Variants in PPP1R18 observed in about 807,000 individuals in gnomAD.
The protein encoded by PPP1R18 is protein phosphatase 1 regulatory subunit 18.
In PPP1R18, 31 loss-of-function variants were observed where a neutral mutation model predicts 54.8. The ratio of observed to expected loss-of-function variants is 0.57; its 90% confidence interval spans 0.43 to 0.76. The LOEUF (loss-of-function observed/expected upper bound fraction) is 0.76. Among genes scored for constraint, PPP1R18 ranks in the 30% least tolerant of loss-of-function variants. The pLI is 0.00. For synonymous variants in PPP1R18, 310 were observed against 320.2 expected (o/e 0.97, Z 0.34); for missense variants, 685 against 776.1 (o/e 0.88, Z 1.39).
Position 30,684,097 on chromosome 6 carries a change from G to A in PPP1R18, c.1611+311C>T, listed in dbSNP as rs931072554. ...ATGGGCTGGGGCAGGTCACACTCAG[G>A]AAAGGAAGGAAAGAAAAGGGGGTTG... is the stretch of plus-strand genomic sequence containing the variant. On this transcript the variant is annotated intron_variant, in intron 1 of 2. Coordinates refer to ENST00000274853, the MANE Select transcript of PPP1R18 (RefSeq NM_133471.4). This position sits in a 1 kb window ranked among gnomAD's most constrained non-coding sequence, Gnocchi z 6.0. Among the ~76,000 whole-genome samples, 4 of 152,204 alleles carry A rather than the reference G, an allele frequency of 2.6e-5. No individual in the cohort carries two copies. Among genetic ancestry groups the A allele is most frequent in the Middle Eastern group, 3.4e-3 (1 of 294 alleles).
chr6:30,678,905 AG>A (rs909147526), intron 2 of PPP1R18, among the ~76,000 whole-genome samples: 1 of 152,180 alleles, frequency 6.6e-6, no homozygotes, highest in Non-Finnish European at 1.5e-5. Context: ...TAAAGAGACA[AG>A]CTGGAATTCC....
In PPP1R18 at chr6:30,684,443, G is replaced by A; in HGVS notation, c.1576C>T (p.Leu526Phe). 1.3e-6 allele frequency: 2 copies of A among 1,594,118 alleles called. No homozygotes were observed. Among genetic ancestry groups the A allele is most frequent in the East Asian group, 4.5e-5 (2 of 44,470 alleles). ...GGYLRLSRSC[L>F]AKGSPERHHK... The stretch of plus-strand genomic sequence containing the variant: ...TGTCTTTCGGGGGACCCCTTGGCAA[G>A]GCAGCTGCGGCTGAGACGGAGGTAG... Residue 526 changes from leucine (L) to phenylalanine (F), a missense_variant, in exon 1 of 3, where the codon CTT becomes TTT. By Grantham distance (22) the Leu-to-Phe change is conservative (BLOSUM62 0). Coordinates refer to ENST00000274853, the MANE Select transcript of PPP1R18 (RefSeq NM_133471.4). This position sits in a 1 kb window ranked among gnomAD's most constrained non-coding sequence, Gnocchi z 6.0.
chr6:30,678,418 A>C (rs1248982448), intron 2 of PPP1R18, among the ~76,000 whole-genome samples: 2 of 143,638 alleles, frequency 1.4e-5, no homozygotes, highest in African/African-American at 2.6e-5. Flanking sequence ...CTCTGTTGTC[A>C]AGGCTGGAGT....
Position 30,686,279 on chromosome 6 carries a change from T to G in PPP1R18, c.-261A>C. 2 of 482,672 alleles carry G rather than the reference T, an allele frequency of 4.1e-6. No homozygotes were observed. The highest frequency in any genetic ancestry group is 3.6e-6 in the Non-Finnish European group (1 of 274,582). The allele number at this position is 482,672 out of a possible 1,614,324, so 29.9% of individuals were successfully genotyped here. On this transcript the variant is annotated 5_prime_UTR_variant, in exon 1 of 3. Coordinates refer to ENST00000274853, the MANE Select transcript of PPP1R18 (RefSeq NM_133471.4). ...GGTGGGGGTGATGTGAGAGGAAGAGTCCGGATTGGAGGCAATGAGGGCAGG... is the reference window on the plus strand; with the variant it reads ...GGTGGGGGTGATGTGAGAGGAAGAGGCCGGATTGGAGGCAATGAGGGCAGG...
At chr6:30,681,779 AAAG>A (rs1405848165) in intron 1 of PPP1R18, among the ~76,000 whole-genome samples, 2 of 152,160 alleles carry the variant, frequency 1.3e-5, no homozygotes, top group Non-Finnish European at 2.9e-5. Flanking sequence ...AAAGAAAAGA[AAAG>A]AAAAAAGAAA....
chr6:30,685,906 G>C lies in PPP1R18; in HGVS notation c.113C>G (p.Ala38Gly). The change falls in exon 1 of 3, where the codon GCC (alanine) becomes GGC (glycine). Residue 38 changes from alanine (A) to glycine (G), a missense_variant. Physicochemically the swap from Ala to Gly is moderately conservative, Grantham distance 60. Transcript: ENST00000274853. This position sits in a 1 kb window ranked among gnomAD's most constrained non-coding sequence, Gnocchi z 5.0. ...GCGCTCCAGGAGCCCTCGTTTCCAG[G>C]CTGGCATCTGGGACAGGCGCTCCCG... ...AERERLSQMPAWKRGLLERRR... is the reference protein window; with the variant it reads ...AERERLSQMPGWKRGLLERRR... 1 of 1,610,162 alleles carries C rather than the reference G, an allele frequency of 6.2e-7. No individual in the cohort carries two copies. The highest frequency in any genetic ancestry group is 2.2e-5 in the East Asian group (1 of 44,884).
intron 1 of PPP1R18, among the ~76,000 whole-genome samples, chr6:30,682,017 C>T (rs1770579262): frequency 6.6e-6 from 1 of 152,184 alleles, no homozygotes; most frequent in Non-Finnish European, 1.5e-5. Flanking sequence ...CTGTAACTGA[C>T]AGATTTACCC....
Position 30,683,256 on chromosome 6 carries a change from G to T in PPP1R18, c.1611+1152C>A, listed in dbSNP as rs1239544464. ...TCTGGGGAGATGTGTGTGACTGGAG[G>T]GACTTCCTAAGTCTGAGATGTCTGA... On this transcript the variant is annotated intron_variant, in intron 1 of 2. Coordinates refer to ENST00000274853, the MANE Select transcript of PPP1R18 (RefSeq NM_133471.4). This position sits in a 1 kb window ranked among gnomAD's most constrained non-coding sequence, Gnocchi z 5.1. Among the ~76,000 whole-genome samples, 2 of 152,212 alleles carry T rather than the reference G, an allele frequency of 1.3e-5. No homozygotes were observed. The highest frequency in any genetic ancestry group is 2.9e-5 in the Non-Finnish European group (2 of 68,034).
intron 1 of PPP1R18, among the ~76,000 whole-genome samples, chr6:30,680,811 C>T (rs1169782803): frequency 1.3e-5 from 2 of 152,064 alleles, no homozygotes; most frequent in East Asian, 1.9e-4. Context: ...CCAGGCTGGG[C>T]GCGGTGGTTC....
In PPP1R18 at chr6:30,680,618, C is replaced by T. The variant is rs1249222886; in HGVS notation, c.1612-1229G>A. On this transcript the variant is annotated intron_variant, in intron 1 of 2. Coordinates refer to ENST00000274853, the MANE Select transcript of PPP1R18 (RefSeq NM_133471.4). ...TTGAGGCGGGAGGATTTCTTGAGCC[C>T]AGGAGTTCGAGACCAGCCTGGGCAA... Among the ~76,000 whole-genome samples, 4 of 151,590 alleles carry T rather than the reference C, an allele frequency of 2.6e-5. No homozygotes were observed. The South Asian group carries it at 8.3e-4, about 32-fold the overall frequency.
rs1770687817 is a variant in PPP1R18, at chr6:30,683,738, G to A, written c.1611+670C>T. The stretch of plus-strand genomic sequence containing the variant: ...CCAGCTGGGGGTGTGCAACCCCGAG[G>A]TCACCCACTTCAAATGGCCTCTCTG... On this transcript the variant is annotated intron_variant, in intron 1 of 2. Coordinates refer to ENST00000274853, the MANE Select transcript of PPP1R18 (RefSeq NM_133471.4). This position sits in a 1 kb window ranked among gnomAD's most constrained non-coding sequence, Gnocchi z 5.1. Among the ~76,000 whole-genome samples the A allele has an allele frequency of 1.3e-5, 2 of 152,032 alleles. No individual in the cohort carries two copies. Among genetic ancestry groups the A allele is most frequent in the African/African-American group, 4.8e-5 (2 of 41,394 alleles).
At chr6:30,677,391 G>A (rs541601130) in intron 2 of PPP1R18, 103 bp from the exon 3 acceptor site, 1 of 944,054 alleles carries the variant, frequency 1.1e-6, no homozygotes, top group South Asian at 1.6e-5. Context: ...CATGCAGGAA[G>A]TCCTATAATA....
chr6:30,677,115 GC>G lies in PPP1R18; in HGVS notation c.*153del, dbSNP rs1471786339. On this transcript the variant is annotated 3_prime_UTR_variant, in exon 3 of 3. Transcript: ENST00000274853. ...GGGTAGAAATTGGGCAATTGGCTCTGCCCCCAGAAACAGGGTGGGGAAAGCA... is the reference window on the plus strand; with the variant it reads ...GGGTAGAAATTGGGCAATTGGCTCTGCCCCAGAAACAGGGTGGGGAAAGCA... 1.2e-5 allele frequency: 9 copies of G among 778,910 alleles called. No individual in the cohort carries two copies. The highest frequency in any genetic ancestry group is 8.4e-5 in the African/African-American group (5 of 59,204). 48.2% of individuals were successfully genotyped at this position (778,910 alleles called of 1,614,324 possible). A position where few individuals can be genotyped will look rare whatever the true frequency, so the allele number is the denominator to read the frequency against.
chr6:30,677,584 CA>C (rs2127604044), intron 2 of PPP1R18, among the ~76,000 whole-genome samples: 1 of 152,152 alleles, frequency 6.6e-6, no homozygotes, highest in South Asian at 2.1e-4. Context: ...TGGCCTGGAG[CA>C]CCTGTAATCC....
In PPP1R18 at chr6:30,685,248, C is replaced by T. The variant is rs1481167247; in HGVS notation, c.771G>A (p.Glu257=). ...ESQEQSLVQL[E]ATEWRLRSGE... ...CTGACCTCAGCCTCCACTCTGTTGC[C>T]TCCAGTTGTACCAAACTCTGTTCCT... Residue 257 remains glutamate, a synonymous_variant, in exon 1 of 3, where the codon GAG becomes GAA. Transcript: ENST00000274853. This position sits in a 1 kb window ranked among gnomAD's most constrained non-coding sequence, Gnocchi z 5.0. 2 of 1,612,958 alleles carry T rather than the reference C, an allele frequency of 1.2e-6. No homozygotes were observed. The highest frequency in any genetic ancestry group is 2.7e-5 in the African/African-American group (2 of 74,938).
At position 30,685,956 on chromosome 6, in the gene PPP1R18, G is replaced by C; in HGVS notation, c.63C>G (p.Ser21=). 8.7e-6 allele frequency: 14 copies of C among 1,603,166 alleles called. No homozygotes were observed. The highest frequency in any genetic ancestry group is 1.3e-5 in the African/African-American group (1 of 74,880). Residue 21 remains serine (S), a synonymous_variant, in exon 1 of 3, where the codon TCC becomes TCG. Transcript: ENST00000274853. This position sits in a 1 kb window ranked among gnomAD's most constrained non-coding sequence, Gnocchi z 5.0. ...LLARRRQEEA[S]VRGREKAERE... is the part of the protein sequence containing the mutation. ...GTTCTGCTTTCTCTCGGCCTCGAAC[G>C]GACGCCTCCTCCTGCCGGCGCCGGG...
In PPP1R18 at chr6:30,685,482, C is replaced by G; in HGVS notation, c.537G>C (p.Val179=). The G allele has an allele frequency of 6.2e-7, 1 of 1,613,012 alleles. No individual in the cohort carries two copies. Among genetic ancestry groups the G allele is most frequent in the Non-Finnish European group, 8.5e-7 (1 of 1,180,032 alleles). The change falls in exon 1 of 3, where the codon GTG becomes GTC. Residue 179 remains valine, a synonymous_variant. Transcript: ENST00000274853. The surrounding 1 kb of genome is among the most constrained non-coding windows in gnomAD (Gnocchi z 5.0). The part of the protein sequence containing the change: ...ARDWRQSPGE[V]GDRSSRLSEA... The stretch of plus-strand genomic sequence containing the variant: ...CTGACAGTCGGGAGCTCCTGTCTCC[C>G]ACCTCTCCTGGGCTTTGCCTCCAGT...
upstream of PPP1R18, chr6:30,687,447 TC>T (rs1277250443): frequency 6.6e-6 from 1 of 152,660 alleles, no homozygotes; most frequent in East Asian, 1.9e-4. The surrounding 1 kb of genome is among the most constrained non-coding windows in gnomAD (Gnocchi z 7.9). Flanking sequence ...CTCCGCTCTG[TC>T]CCCAGGGGCC....
chr6:30,678,376 ATT>A (rs35334385), intron 2 of PPP1R18, among the ~76,000 whole-genome samples: 30 of 137,156 alleles, frequency 2.2e-4, no homozygotes, highest in Admixed American at 6.6e-4. Flanking sequence ...CACCTGGCTA[ATT>A]TTTTTTTTTT....
Sources: allele counts gnomAD v4.1 joint callset (sites outside exome capture counted in the v4.1 genomes callset), GRCh38; gene constraint gnomAD v4.1.1; non-coding constraint Gnocchi (gnomAD v3.1); transcripts MANE v1.5; gene names NCBI Gene and HGNC (gene_info 2026-07-23, HGNC 2026-07-21).